The following PSMB7 variants were observed in gnomAD, a reference collection of about 807,000 sequenced individuals.
PSMB7 encodes proteasome subunit beta type-7.
In PSMB7, 5 loss-of-function variants were observed where a neutral mutation model predicts 28.1. That is an observed-to-expected ratio of 0.18 (90% confidence interval 0.09 to 0.37). The LOEUF is 0.37. Among genes scored for constraint, PSMB7 ranks in the 10% least tolerant of loss-of-function variants. PSMB7 has a pLI of 1.00. For synonymous variants in PSMB7, 122 were observed against 123.7 expected (o/e 0.99, Z 0.09); for missense variants, 275 against 346.2 (o/e 0.79, Z 1.63).
At chr9:124,368,488 C>A (rs951626671) in intron 6 of PSMB7, among the ~76,000 whole-genome samples, 1 of 152,188 alleles carries the variant, frequency 6.6e-6, no homozygotes, top group Non-Finnish European at 1.5e-5. Flanking sequence ...TCGAATCCCA[C>A]GGCAAAGAGC....
At chr9:124,363,031 G>C (rs1830477241) in intron 6 of PSMB7, among the ~76,000 whole-genome samples, 1 of 152,188 alleles carries the variant, frequency 6.6e-6, no homozygotes, top group African/African-American at 2.4e-5. Flanking sequence ...TGAAAATTCT[G>C]AACATCAGGG....
chr9:124,355,907 T>C (rs1316666775), intron 7 of PSMB7, among the ~76,000 whole-genome samples: 1 of 152,172 alleles, frequency 6.6e-6, no homozygotes, highest in Non-Finnish European at 1.5e-5. Flanking sequence ...TTACTCCTGA[T>C]GTGGAGTTGT....
At chr9:124,359,656 G>A (rs1199582255) in intron 6 of PSMB7, among the ~76,000 whole-genome samples, 2 of 152,324 alleles carry the variant, frequency 1.3e-5, no homozygotes, top group Admixed American at 6.5e-5. Flanking sequence ...TCAAGGCTGT[G>A]TCATTCACGC....
rs142971341 is a variant in PSMB7, at chr9:124,356,879, C to T, written c.607G>A (p.Ala203Thr). 34 of 1,614,056 alleles carry T rather than the reference C, an allele frequency of 2.1e-5. No homozygotes were observed. The highest frequency in any genetic ancestry group is 2.8e-5 in the Non-Finnish European group (33 of 1,180,044). The change falls in exon 7 of 8, where the codon GCA (alanine) becomes ACA (threonine). Residue 203 changes from alanine (A) to threonine (T), a missense_variant. Ala to Thr is a moderately conservative substitution (Grantham distance 58, BLOSUM62 0). This residue lies in a region of PSMB7 where 213 missense variants were observed against 302.4 expected (regional missense o/e 0.70). Coordinates refer to ENST00000259457, the MANE Select transcript of PSMB7 (RefSeq NM_002799.4). This position sits in a 1 kb window ranked among gnomAD's most constrained non-coding sequence, Gnocchi z 4.4. ...EAKNLVSEAI[A>T]AGIFNDLGSG... ...CCCAGGTCGTTGAAGATGCCAGCTG[C>T]GATGGCTTCGCTCACCAGATTCTTG...
intron 5 of PSMB7, among the ~76,000 whole-genome samples, chr9:124,394,190 A>G (rs996486365): frequency 6.6e-6 from 1 of 152,278 alleles, no homozygotes; most frequent in Non-Finnish European, 1.5e-5. Context: ...AAAGTCATGC[A>G]GCCAGGAATG....
At chr9:124,402,142 A>G (rs1830916758) in intron 5 of PSMB7, among the ~76,000 whole-genome samples, 1 of 152,246 alleles carries the variant, frequency 6.6e-6, no homozygotes, top group Non-Finnish European at 1.5e-5. Flanking sequence ...ATTTTAGGGC[A>G]GCAAAACCAG....
chr9:124,360,780 C>T (rs1478124254), intron 6 of PSMB7, among the ~76,000 whole-genome samples: 1 of 152,250 alleles, frequency 6.6e-6, no homozygotes, highest in Non-Finnish European at 1.5e-5. Flanking sequence ...CAAGTCACTA[C>T]ACCTCTCTGA....
chr9:124,371,435 G>T (rs980282219), intron 6 of PSMB7, among the ~76,000 whole-genome samples: 3 of 152,174 alleles, frequency 2.0e-5, no homozygotes, highest in African/African-American at 7.2e-5. Flanking sequence ...GGTGAAATTC[G>T]TGCTGGTTTC....
intron 6 of PSMB7, among the ~76,000 whole-genome samples, chr9:124,383,346 T>C (rs1292379553): frequency 6.6e-6 from 1 of 152,246 alleles, no homozygotes; most frequent in East Asian, 1.9e-4. Context: ...CTATACACTA[T>C]GTTTTAATTC....
At chr9:124,389,459 C>T (rs1830761778) in intron 5 of PSMB7, among the ~76,000 whole-genome samples, 2 of 152,178 alleles carry the variant, frequency 1.3e-5, no homozygotes, top group South Asian at 4.1e-4. Flanking sequence ...GTGACCAGCA[C>T]TTAGGTGAAT....
chr9:124,375,700 G>C (rs1830604024), intron 6 of PSMB7, among the ~76,000 whole-genome samples: 1 of 152,204 alleles, frequency 6.6e-6, no homozygotes, highest in African/African-American at 2.4e-5. Flanking sequence ...GTTTATAATA[G>C]TTATCGAAGG....
At chr9:124,363,256 T>C (rs1391118767) in intron 6 of PSMB7, among the ~76,000 whole-genome samples, 2 of 152,092 alleles carry the variant, frequency 1.3e-5, no homozygotes, top group African/African-American at 2.4e-5. Context: ...GACAAGCGCT[T>C]GAGAGGAGGA....
chr9:124,367,269 C>A (rs971037044), intron 6 of PSMB7, among the ~76,000 whole-genome samples: 2 of 152,068 alleles, frequency 1.3e-5, no homozygotes, highest in African/African-American at 2.4e-5. Context: ...TGCTGACCAC[C>A]CCTCTGAACA....
At chr9:124,405,012 C>A (rs1830949060) in intron 5 of PSMB7, among the ~76,000 whole-genome samples, 1 of 151,656 alleles carries the variant, frequency 6.6e-6, no homozygotes, top group East Asian at 1.9e-4. Context: ...ATTTATAATA[C>A]CTGTGTATTA....
intron 6 of PSMB7, among the ~76,000 whole-genome samples, chr9:124,374,730 A>G (rs1401972197): frequency 6.6e-6 from 1 of 152,184 alleles, no homozygotes; most frequent in Non-Finnish European, 1.5e-5. Flanking sequence ...AGGCTCAGGC[A>G]GGAGGATCCC....
At chr9:124,375,043 A>C (rs900297663) in intron 6 of PSMB7, among the ~76,000 whole-genome samples, 1 of 152,056 alleles carries the variant, frequency 6.6e-6, no homozygotes, top group Non-Finnish European at 1.5e-5. Context: ...TAGGAGGCTG[A>C]GCCAGGAGAA....
intron 6 of PSMB7, chr9:124,384,241 G>T: frequency 4.6e-6 from 1 of 217,680 alleles, no homozygotes; most frequent in Non-Finnish European, 8.9e-6. Context: ...CAGTTTTTCT[G>T]TTCTTAGTAA....
chr9:124,408,365 G>C (rs1311517499), intron 4 of PSMB7, among the ~76,000 whole-genome samples: 2 of 152,054 alleles, frequency 1.3e-5, no homozygotes, highest in East Asian at 3.9e-4. Flanking sequence ...GAGTACCCAA[G>C]GCTTCTATGT....
chr9:124,359,265 CT>C lies in PSMB7; in HGVS notation c.571-2351del, dbSNP rs199981744. Among the ~76,000 whole-genome samples the C allele has an allele frequency of 4.1e-4, 62 of 152,244 alleles. No homozygotes were observed. The East Asian group carries it at 5.8e-3, about 14-fold the overall frequency. Reference sequence around the variant, plus strand: ...AAGGAAGAAAATCTCAAGTTTCTCACTTTTTTCCCCCCAGTCCCACTCCATG... The same window carrying C: ...AAGGAAGAAAATCTCAAGTTTCTCACTTTTTCCCCCCAGTCCCACTCCATG... On this transcript the variant is annotated intron_variant, in intron 6 of 7. Transcript: ENST00000259457.
Sources: allele counts gnomAD v4.1 joint callset (sites outside exome capture counted in the v4.1 genomes callset), GRCh38; gene constraint gnomAD v4.1.1; regional missense constraint gnomAD v4.1.1; non-coding constraint Gnocchi (gnomAD v3.1); transcripts MANE v1.5; gene names NCBI Gene and HGNC (gene_info 2026-07-23, HGNC 2026-07-21).